Variants in TBC1D12 observed in about 807,000 individuals in gnomAD.
The protein encoded by TBC1D12 is TBC1 domain family, member 12.
A neutral mutation model predicts 86.7 loss-of-function variants in TBC1D12; 56 were observed. The observed-to-expected ratio is 0.65, with a 90% CI of 0.52 to 0.81. The LOEUF is 0.81. TBC1D12 is among the 30% of genes least tolerant of loss of function. The probability of loss-of-function intolerance (pLI) is 0.00; values close to 1 mark genes in which losing one functional copy is unlikely to be tolerated. For synonymous variants in TBC1D12, 421 were observed against 411.7 expected, an observed-to-expected ratio of 1.02 and a Z score of -0.27; for missense variants, 1,023 against 1,038.8, an observed-to-expected ratio of 0.98 and a Z score of 0.21.
Position 94,412,203 on chromosome 10 carries a change from G to C in TBC1D12, c.971+8619G>C, listed in dbSNP as rs556793309. 3.3e-5 allele frequency among the ~76,000 whole-genome samples: 5 copies of C among 152,256 alleles called. No individual in the cohort carries two copies. The South Asian group carries it at 8.3e-4, about 25-fold the overall frequency. On this transcript the variant is annotated intron_variant, in intron 1 of 12. Transcript: ENST00000225235. ...TGCCTAATTCATGGGATTGCCATGA[G>C]GGTTAAATAATATTTTACATTCTTT...
rs1361863971 is a variant in TBC1D12 at position 94,402,824 on chromosome 10, C to G, written c.211C>G (p.Gln71Glu). The G allele has an allele frequency of 6.5e-7, 1 of 1,541,976 alleles. No homozygotes were observed. The highest frequency in any genetic ancestry group is 8.7e-7 in the Non-Finnish European group (1 of 1,143,730). Residue 71 changes from glutamine (Q) to glutamate (E), a missense_variant, in exon 1 of 13, where the codon CAG becomes GAG. This residue lies in a region of TBC1D12 where 628 missense variants were observed against 531.1 expected (regional missense o/e 1.18). Coordinates refer to ENST00000225235, the MANE Select transcript of TBC1D12 (RefSeq NM_015188.2). ...GGAGACGCCGCCTCGGCAGCTCCTT[C>G]AGCGTTACCTCGCGGCGGCCGGGGA... is the stretch of plus-strand genomic sequence containing the variant. Reference protein sequence around the residue: ...EEETPPRQLLQRYLAAAGEQL... With the variant: ...EEETPPRQLLERYLAAAGEQL...
At chr10:94,525,486 C>A (rs1274063923) in intron 11 of TBC1D12, among the ~76,000 whole-genome samples, 1 of 151,742 alleles carries the variant, frequency 6.6e-6, no homozygotes, top group East Asian at 1.9e-4. Flanking sequence ...TGCCTGTAGT[C>A]CCAGCCACTC....
chr10:94,413,070 A>G (rs1439357220), intron 1 of TBC1D12, among the ~76,000 whole-genome samples: 1 of 152,236 alleles, frequency 6.6e-6, no homozygotes, highest in African/African-American at 2.4e-5. Context: ...CTCCTCAGGT[A>G]GTGACTGAAA....
intron 1 of TBC1D12, among the ~76,000 whole-genome samples, chr10:94,428,822 GCTTCAGC>G (rs1248725735): frequency 6.7e-6 from 1 of 149,740 alleles, no homozygotes. Context: ...TGATCCTCCC[GCTTCAGC>G]CTTCTGAGTA....
At chr10:94,436,794 C>CTT (rs879687862) in intron 1 of TBC1D12, among the ~76,000 whole-genome samples, 25 of 142,794 alleles carry the variant, frequency 1.8e-4, no homozygotes, top group African/African-American at 6.2e-4. Context: ...AGAAAAAAAT[C>CTT]TTTTTTTTTT....
Position 94,469,613 on chromosome 10 carries a change from C to G in TBC1D12, c.1096-5055C>G, listed in dbSNP as rs541000712. Among the ~76,000 whole-genome samples, 9 of 152,002 alleles carry G rather than the reference C, an allele frequency of 5.9e-5. No individual in the cohort carries two copies. In the South Asian group the frequency reaches 1.5e-3, roughly 25 times the overall value. On this transcript the variant is annotated intron_variant, in intron 2 of 12. Transcript: ENST00000225235. ...TACAAGCACATGCCACCATGCCCAG[C>G]TAATTTTTGTATTTTTCATAGAGAC...
chr10:94,436,790 A>C (rs2055304804), intron 1 of TBC1D12, among the ~76,000 whole-genome samples: 1 of 151,836 alleles, frequency 6.6e-6, no homozygotes, highest in Non-Finnish European at 1.5e-5. Context: ...AAAAAGAAAA[A>C]AATCTTTTTT....
At chr10:94,408,756 T>G (rs943091111) in intron 1 of TBC1D12, among the ~76,000 whole-genome samples, 130 of 152,150 alleles carry the variant, frequency 8.5e-4, no homozygotes, top group African/African-American at 2.8e-3. Context: ...AAAGTGAGTT[T>G]CTCAAAAAAA....
chr10:94,448,579 C>T (rs1264517395), intron 2 of TBC1D12, among the ~76,000 whole-genome samples: 4 of 152,172 alleles, frequency 2.6e-5, no homozygotes, highest in Admixed American at 6.5e-5. Context: ...TGGGTTCAAA[C>T]GATCCTCCCA....
intron 9 of TBC1D12, among the ~76,000 whole-genome samples, chr10:94,517,457 ACT>A (rs1402676687): frequency 6.6e-6 from 1 of 152,202 alleles, no homozygotes; most frequent in Non-Finnish European, 1.5e-5. Context: ...AAATTAAAAT[ACT>A]GTTACTTTTA....
At chr10:94,529,183 T>C (rs771908171) in intron 11 of TBC1D12, among the ~76,000 whole-genome samples, 6 of 152,112 alleles carry the variant, frequency 3.9e-5, no homozygotes, top group Non-Finnish European at 8.8e-5. Flanking sequence ...TAATTTTTGC[T>C]ATTTTATAGA....
chr10:94,521,238 CA>C (rs398038539), intron 9 of TBC1D12, among the ~76,000 whole-genome samples: 2 of 122,750 alleles, frequency 1.6e-5, no homozygotes, highest in African/African-American at 3.1e-5. Flanking sequence ...AAAAAAAAAA[CA>C]AAAAAAAAAC....
chr10:94,533,938 G>A lies in TBC1D12; in HGVS notation c.*842G>A, dbSNP rs1452383190. On this transcript the variant is annotated 3_prime_UTR_variant, in exon 13 of 13. Transcript: ENST00000225235. ...TGTTTCTCAGTGATAAGAGTAAAAAGTAATGAATCCTGAGAGTTCTTAAAC... is the reference window on the plus strand; with the variant it reads ...TGTTTCTCAGTGATAAGAGTAAAAAATAATGAATCCTGAGAGTTCTTAAAC... The A allele has an allele frequency of 6.6e-6, 1 of 152,150 alleles. No homozygotes were observed. Among genetic ancestry groups the A allele is most frequent in the Non-Finnish European group, 1.5e-5 (1 of 68,018 alleles). 9.4% of individuals were successfully genotyped at this position (152,150 alleles called of 1,614,324 possible).
chr10:94,458,130 A>AG (rs1394423856), intron 2 of TBC1D12, among the ~76,000 whole-genome samples: 4 of 152,110 alleles, frequency 2.6e-5, no homozygotes, highest in African/African-American at 9.7e-5. Context: ...ATATTGAGAG[A>AG]GGGGGCCTTT....
At chr10:94,524,609 C>T (rs986885600) in intron 11 of TBC1D12, among the ~76,000 whole-genome samples, 7 of 151,542 alleles carry the variant, frequency 4.6e-5, no homozygotes, top group Non-Finnish European at 8.8e-5. Context: ...CATGGTGGTG[C>T]ATGCCTGTAG....
chr10:94,521,296 C>G (rs1010103382), intron 9 of TBC1D12, among the ~76,000 whole-genome samples: 7 of 150,404 alleles, frequency 4.7e-5, no homozygotes, highest in Admixed American at 4.6e-4. Flanking sequence ...AAGCAAGAAG[C>G]AAACATCTAT....
chr10:94,414,643 G>A (rs985938833), intron 1 of TBC1D12, among the ~76,000 whole-genome samples: 12 of 141,150 alleles, frequency 8.5e-5, no homozygotes, highest in East Asian at 4.1e-4. Context: ...TCTGTCTCTC[G>A]GTCTGGAGTA....
intron 2 of TBC1D12, among the ~76,000 whole-genome samples, chr10:94,459,241 C>G (rs969683075): frequency 2.0e-5 from 3 of 151,968 alleles, no homozygotes; most frequent in Non-Finnish European, 4.4e-5. Flanking sequence ...TCGCCAAGTC[C>G]CCACTAGATT....
At chr10:94,456,078 TATC>T (rs749174678) in intron 2 of TBC1D12, among the ~76,000 whole-genome samples, 2 of 152,252 alleles carry the variant, frequency 1.3e-5, no homozygotes, top group Non-Finnish European at 2.9e-5. Flanking sequence ...TTCTCTTAGT[TATC>T]ATGGCAAGAG....
Sources: gnomAD v4.1 joint callset for allele counts (sites outside exome capture counted in the v4.1 genomes callset) on GRCh38, gnomAD v4.1.1 for gene constraint, gnomAD v4.1.1 regional missense constraint, MANE v1.5 for transcripts, NCBI Gene and HGNC (gene_info 2026-07-23, HGNC 2026-07-21) for gene names.